The following GLG1 variants were observed in gnomAD, a reference collection of about 807,000 sequenced individuals.
The protein encoded by GLG1 is golgi glycoprotein 1.
A neutral mutation model predicts 160.5 loss-of-function variants in GLG1; 38 were observed. The observed-to-expected ratio is 0.24, with a 90% CI of 0.18 to 0.31. GLG1 has a LOEUF of 0.31. GLG1 is among the 10% of genes least tolerant of loss of function. The pLI is 1.00. For synonymous variants in GLG1, 644 were observed against 543.4 expected (o/e 1.19, Z -2.57); for missense variants, 1,373 against 1,505.2 (o/e 0.91, Z 1.45).
chr16:74,447,847 C>T lies in GLG1; in HGVS notation c.*5320G>A, dbSNP rs1369826161. 1 of 152,294 alleles carries T rather than the reference C, an allele frequency of 6.6e-6. No individual in the cohort carries two copies. The highest frequency in any genetic ancestry group is 2.4e-5 in the African/African-American group (1 of 41,474). 9.4% of individuals were successfully genotyped at this position (152,294 alleles called of 1,614,324 possible). ...ATTTCTACCACCCTAGCATGTCTGACAGAAAGCCCTGCTGGGCTCTGGGGT... is the reference window on the plus strand; with the variant it reads ...ATTTCTACCACCCTAGCATGTCTGATAGAAAGCCCTGCTGGGCTCTGGGGT... On this transcript the variant is annotated 3_prime_UTR_variant, in exon 26 of 26. Coordinates refer to ENST00000422840, the MANE Select transcript of GLG1 (RefSeq NM_001145667.2).
intron 1 of GLG1, among the ~76,000 whole-genome samples, chr16:74,544,963 A>G (rs978251341): frequency 1.3e-5 from 2 of 151,712 alleles, no homozygotes; most frequent in Non-Finnish European, 1.5e-5. Context: ...AAATAAATCA[A>G]TCTCAAAAAT....
chr16:74,456,357 T>C (rs1361818506), intron 25 of GLG1, among the ~76,000 whole-genome samples: 1 of 152,232 alleles, frequency 6.6e-6, no homozygotes, highest in Non-Finnish European at 1.5e-5. Flanking sequence ...AGACGGGGTT[T>C]CACCGTGTTG....
At chr16:74,533,415 A>G (rs2017600703) in intron 1 of GLG1, among the ~76,000 whole-genome samples, 1 of 152,260 alleles carries the variant, frequency 6.6e-6, no homozygotes, top group Non-Finnish European at 1.5e-5. Flanking sequence ...GCTTTGCAAT[A>G]CATAACTCCT....
intron 2 of GLG1, among the ~76,000 whole-genome samples, chr16:74,520,377 C>T (rs2017123368): frequency 1.3e-5 from 2 of 152,208 alleles, no homozygotes; most frequent in Non-Finnish European, 2.9e-5. Context: ...TGGCTCACAC[C>T]TGTAATCCTA....
At position 74,450,438 on chromosome 16, in the gene GLG1, G is replaced by A. The variant is rs1300098078; in HGVS notation, c.*2729C>T. The A allele has an allele frequency of 6.6e-6, 1 of 152,184 alleles. No homozygotes were observed. The highest frequency in any genetic ancestry group is 1.5e-5 in the Non-Finnish European group (1 of 68,050). The allele number at this position is 152,184 out of a possible 1,614,324, so 9.4% of individuals were successfully genotyped here. A position where few individuals can be genotyped will look rare whatever the true frequency, so the allele number is the denominator to read the frequency against. ...AAAACTTGCTCGGGGCCCTGCCTGG[G>A]GCTCTCAAGAGCCAGTCATTGGAAA... On this transcript the variant is annotated 3_prime_UTR_variant, in exon 26 of 26. Transcript: ENST00000422840.
Position 74,508,939 on chromosome 16 carries a change from G to GAAA in GLG1, c.472-17_472-15dup. On this transcript the variant is annotated splice_polypyrimidine_tract_variant and intron_variant, in intron 2 of 25. Coordinates refer to ENST00000422840, the MANE Select transcript of GLG1 (RefSeq NM_001145667.2). ...ATTCCACAACAACTAGATAGGAGAG[G>GAAA]AAAAAAAAAAACAAAGAAAAACTCC... The GAAA allele has an allele frequency of 7.3e-6, 6 of 823,426 alleles. No homozygotes were observed. Among genetic ancestry groups the GAAA allele is most frequent in the Non-Finnish European group, 9.2e-6 (5 of 542,882 alleles). The allele number at this position is 823,426 out of a possible 1,614,324, so 51.0% of individuals were successfully genotyped here.
chr16:74,459,864 T>TA, intron 22 of GLG1, 75 bp from the exon 23 acceptor site: 2 of 787,468 alleles, frequency 2.5e-6, no homozygotes, highest in South Asian at 1.8e-5. Flanking sequence ...CTTTTTTTTT[T>TA]TTATTTTTTG....
At chr16:74,505,503 T>A (rs746972374) in intron 3 of GLG1, among the ~76,000 whole-genome samples, 13 of 152,158 alleles carry the variant, frequency 8.5e-5, no homozygotes, top group Admixed American at 3.3e-4. Flanking sequence ...GTGGATCACT[T>A]GAAGTTAGGA....
chr16:74,454,598 G>A (rs1213803991), intron 25 of GLG1, among the ~76,000 whole-genome samples: 4 of 148,114 alleles, frequency 2.7e-5, no homozygotes, highest in Non-Finnish European at 5.9e-5. Context: ...CCCGGGAGGC[G>A]GAGGTTGCAG....
chr16:74,488,424 TG>T (rs1451162190), intron 8 of GLG1, among the ~76,000 whole-genome samples: 2 of 151,878 alleles, frequency 1.3e-5, no homozygotes, highest in African/African-American at 4.8e-5. Context: ...TCCCCCAAAA[TG>T]AATTACTTTA....
chr16:74,602,107 G>A (rs992552583), intron 1 of GLG1, among the ~76,000 whole-genome samples: 3 of 152,058 alleles, frequency 2.0e-5, no homozygotes, highest in Admixed American at 2.0e-4. Flanking sequence ...TAAAAGCAGA[G>A]TATAAAAATA....
chr16:74,488,294 C>T (rs1034500610), intron 8 of GLG1, among the ~76,000 whole-genome samples: 2 of 152,096 alleles, frequency 1.3e-5, no homozygotes, highest in African/African-American at 4.8e-5. Flanking sequence ...GTAATCCCAG[C>T]AGTTTGGGAG....
rs991275375 is a variant in GLG1 at position 74,450,404 on chromosome 16, G to A, written c.*2763C>T. ...GCCAGTTCAGACTTTGCTGGCCTTGGCACTTAGAAAAACTTGCTCGGGGCC... is the reference window on the plus strand; with the variant it reads ...GCCAGTTCAGACTTTGCTGGCCTTGACACTTAGAAAAACTTGCTCGGGGCC... On this transcript the variant is annotated 3_prime_UTR_variant, in exon 26 of 26. Transcript: ENST00000422840. The A allele has an allele frequency of 9.8e-5, 15 of 152,334 alleles. 2 individuals are homozygous for A. The highest frequency in any genetic ancestry group is 1.9e-4 in the East Asian group (1 of 5,182). 9.4% of individuals were successfully genotyped at this position (152,334 alleles called of 1,614,324 possible). A position where few individuals can be genotyped will look rare whatever the true frequency, so the allele number is the denominator to read the frequency against.
At chr16:74,466,104 T>C (rs1393234241) in intron 18 of GLG1, among the ~76,000 whole-genome samples, 1 of 152,192 alleles carries the variant, frequency 6.6e-6, no homozygotes, top group Non-Finnish European at 1.5e-5. Flanking sequence ...CTGCTCCTTG[T>C]CCACATTCAT....
chr16:74,546,323 C>T (rs1283114833), intron 1 of GLG1, among the ~76,000 whole-genome samples: 1 of 152,038 alleles, frequency 6.6e-6, no homozygotes, highest in Non-Finnish European at 1.5e-5. Flanking sequence ...CCTGTAGTCC[C>T]AGCTCCTTGG....
At chr16:74,601,757 C>G (rs1008013063) in intron 1 of GLG1, among the ~76,000 whole-genome samples, 2 of 152,170 alleles carry the variant, frequency 1.3e-5, no homozygotes, top group Non-Finnish European at 2.9e-5. Context: ...ACTGTTACAA[C>G]TCAGTTGTTC....
intron 1 of GLG1, among the ~76,000 whole-genome samples, chr16:74,549,641 A>G (rs972535249): frequency 6.6e-6 from 1 of 152,052 alleles, no homozygotes; most frequent in Non-Finnish European, 1.5e-5. Context: ...AGCACGTTCA[A>G]TATTTGCTCC....
chr16:74,533,190 A>G (rs1240754558), intron 1 of GLG1, among the ~76,000 whole-genome samples: 2 of 152,080 alleles, frequency 1.3e-5, no homozygotes, highest in African/African-American at 2.4e-5. Flanking sequence ...GCGTGGTGGC[A>G]GGCGCCTGTA....
At chr16:74,537,956 A>C (rs2017731601) in intron 1 of GLG1, among the ~76,000 whole-genome samples, 3 of 152,218 alleles carry the variant, frequency 2.0e-5, no homozygotes, top group Non-Finnish European at 2.9e-5. Context: ...TGAGTTAATG[A>C]GTCTGGAAGG....
Sources: allele counts gnomAD v4.1 joint callset (sites outside exome capture counted in the v4.1 genomes callset), GRCh38; gene constraint gnomAD v4.1.1; transcripts MANE v1.5; gene names NCBI Gene and HGNC (gene_info 2026-07-23, HGNC 2026-07-21).